EBF1: variants seen among roughly 807,000 people sequenced by gnomAD.
EBF1 encodes EBF transcription factor 1, also known as transcription factor COE1.
In EBF1, 10 loss-of-function variants were observed where a neutral mutation model predicts 68.4. The observed-to-expected ratio is 0.15, with a 90% CI of 0.09 to 0.25. The LOEUF is 0.25. Among genes scored for constraint, EBF1 ranks in the 10% least tolerant of loss-of-function variants. EBF1 has a pLI of 1.00. For missense variants in EBF1, 509 were observed against 794.4 expected (o/e 0.64, Z 4.32); for synonymous variants, 298 against 299.8 (o/e 0.99, Z 0.06).
At chr5:159,055,563 C>T (rs1053596377) in intron 6 of EBF1, among the ~76,000 whole-genome samples, 2 of 152,134 alleles carry the variant, frequency 1.3e-5, no homozygotes, top group Non-Finnish European at 2.9e-5. Flanking sequence ...TTCTCCTTAA[C>T]AGAAGAATAT....
At chr5:158,854,748 T>A (rs1447736479) in intron 6 of EBF1, among the ~76,000 whole-genome samples, 1 of 152,182 alleles carries the variant, frequency 6.6e-6, no homozygotes, top group South Asian at 2.1e-4. Context: ...GAAGACGCCA[T>A]CAAACCCAGC....
intron 6 of EBF1, among the ~76,000 whole-genome samples, chr5:158,966,585 A>T (rs955674212): frequency 3.3e-5 from 5 of 152,128 alleles, no homozygotes; most frequent in East Asian, 1.9e-4. Context: ...CAAAAAGTAC[A>T]CTCTTAGAAG....
chr5:158,997,373 C>T (rs985647204), intron 6 of EBF1, among the ~76,000 whole-genome samples: 1 of 152,158 alleles, frequency 6.6e-6, no homozygotes. Context: ...ATAAATACTT[C>T]ACATTCTACG....
chr5:158,854,573 T>C (rs1442465729), intron 6 of EBF1, among the ~76,000 whole-genome samples: 1 of 152,248 alleles, frequency 6.6e-6, no homozygotes, highest in Non-Finnish European at 1.5e-5. Context: ...TGTTCACAGC[T>C]GGATTTCCCA....
intron 6 of EBF1, among the ~76,000 whole-genome samples, chr5:158,955,926 G>T (rs1217478628): frequency 6.6e-6 from 1 of 152,056 alleles, no homozygotes; most frequent in African/African-American, 2.4e-5. Context: ...GCAGGCCATT[G>T]CTTTGTTTAT....
At chr5:159,045,154 A>C (rs1446721408) in intron 6 of EBF1, among the ~76,000 whole-genome samples, 1 of 152,218 alleles carries the variant, frequency 6.6e-6, no homozygotes, top group Non-Finnish European at 1.5e-5. Context: ...CCGAAAAGCC[A>C]ACATCAAAGG....
intron 6 of EBF1, among the ~76,000 whole-genome samples, chr5:158,856,034 G>C (rs754108155): frequency 5.9e-5 from 9 of 152,214 alleles, no homozygotes; most frequent in Non-Finnish European, 1.3e-4. Context: ...TTAAAACAAA[G>C]TAGAGAGTCT....
At chr5:159,099,051 G>A (rs957814963) in intron 1 of EBF1, among the ~76,000 whole-genome samples, 5 of 152,186 alleles carry the variant, frequency 3.3e-5, no homozygotes, top group Admixed American at 1.3e-4. Context: ...CCAACATGCT[G>A]TGTTGAGACG....
chr5:158,959,879 A>G (rs1817830174), intron 6 of EBF1, among the ~76,000 whole-genome samples: 1 of 152,250 alleles, frequency 6.6e-6, no homozygotes, highest in African/African-American at 2.4e-5. Context: ...AGCAATTAAA[A>G]TCATGCAGTA....
chr5:158,898,973 C>G (rs1452415433), intron 6 of EBF1, among the ~76,000 whole-genome samples: 2 of 152,192 alleles, frequency 1.3e-5, no homozygotes, highest in Non-Finnish European at 2.9e-5. Flanking sequence ...GCCCAAGATG[C>G]CCCAGTCATT....
In EBF1 at chr5:158,714,110, C is replaced by G; in HGVS notation, c.1191+7G>C. The stretch of plus-strand genomic sequence containing the variant: ...GTCCACACAGGCTAGACACCCACAG[C>G]GCTCACCTGGTTGTTGTGTGGCATC... On this transcript the variant is annotated splice_region_variant and intron_variant, in intron 12 of 15. Transcript: ENST00000313708. The G allele has an allele frequency of 6.2e-7, 1 of 1,614,172 alleles. No individual in the cohort carries two copies. Among genetic ancestry groups the G allele is most frequent in the Non-Finnish European group, 8.5e-7 (1 of 1,179,990 alleles).
At chr5:158,770,704 C>G (rs978384411) in intron 10 of EBF1, among the ~76,000 whole-genome samples, 3 of 152,074 alleles carry the variant, frequency 2.0e-5, no homozygotes, top group African/African-American at 7.2e-5. Flanking sequence ...ATTCCCTAAC[C>G]CCATGCTACC....
chr5:158,892,887 G>A (rs530481582), intron 6 of EBF1, among the ~76,000 whole-genome samples: 3 of 145,850 alleles, frequency 2.1e-5, no homozygotes, highest in Admixed American at 7.0e-5. Context: ...GCACCTACTC[G>A]AAGCGCCCCT....
chr5:158,909,956 TAAAAAAAAAAA>T (rs59274919), intron 6 of EBF1, among the ~76,000 whole-genome samples: 307 of 46,744 alleles, frequency 6.6e-3, no homozygotes, highest in African/African-American at 0.02. Context: ...ACTCTGTCTA[TAAAAAAAAAAA>T]AAAAAAAAAA....
intron 6 of EBF1, among the ~76,000 whole-genome samples, chr5:158,939,864 C>T (rs1812866249): frequency 1.3e-5 from 2 of 152,104 alleles, no homozygotes; most frequent in Non-Finnish European, 2.9e-5. Flanking sequence ...CCCACAGAGG[C>T]GCACAACTAC....
At chr5:158,883,517 C>T (rs1799384830) in intron 6 of EBF1, among the ~76,000 whole-genome samples, 1 of 152,084 alleles carries the variant, frequency 6.6e-6, no homozygotes, top group South Asian at 2.1e-4. Flanking sequence ...CCCCACCGTG[C>T]ACTCCCTACT....
chr5:159,080,422 G>A (rs1255112900), intron 5 of EBF1, among the ~76,000 whole-genome samples: 2 of 152,178 alleles, frequency 1.3e-5, no homozygotes, highest in African/African-American at 2.4e-5. Flanking sequence ...AGTCTTCCCT[G>A]GCTCTCCGTT....
At chr5:158,721,083 C>T (rs985026560) in intron 11 of EBF1, among the ~76,000 whole-genome samples, 1 of 152,028 alleles carries the variant, frequency 6.6e-6, no homozygotes, top group East Asian at 1.9e-4. Context: ...CTATTAATAC[C>T]AAAGGCCAAG....
intron 6 of EBF1, among the ~76,000 whole-genome samples, chr5:159,039,860 C>T (rs893551320): frequency 2.6e-5 from 4 of 152,110 alleles, no homozygotes; most frequent in African/African-American, 7.2e-5. Context: ...ATAATGAGGT[C>T]CCCAGACCCT....
Sources: allele counts gnomAD v4.1 joint callset (sites outside exome capture counted in the v4.1 genomes callset), GRCh38; gene constraint gnomAD v4.1.1; transcripts MANE v1.5; gene names NCBI Gene and HGNC (gene_info 2026-07-23, HGNC 2026-07-21).